Variants in PIP4K2A observed in about 807,000 individuals in gnomAD.
PIP4K2A encodes the protein phosphatidylinositol 5-phosphate 4-kinase type-2 alpha.
PIP4K2A carries 14 observed loss-of-function variants against 42.9 expected under a neutral mutation model. The ratio of observed to expected loss-of-function variants is 0.33; its 90% CI spans 0.22 to 0.51. The LOEUF (loss-of-function observed/expected upper bound fraction) is 0.51. Ranked by LOEUF, PIP4K2A falls within the 20% of genes least tolerant of loss-of-function variation. The pLI is 0.97. For missense variants in PIP4K2A, 434 were observed against 519.8 expected (o/e 0.83, Z 1.61); for synonymous variants, 192 against 192.2 (o/e 1.00, Z 0.01).
At position 22,714,445 on chromosome 10, in the gene PIP4K2A, C is replaced by G; in HGVS notation, c.-119G>C. On this transcript the variant is annotated 5_prime_UTR_variant, in exon 1 of 10. Transcript: ENST00000376573. ...GGCGGCGGCCCCGGCGCGCCGCGCTCCGCTCCGCCCGCCGCCGCCGGCGCG... is the reference window on the plus strand; with the variant it reads ...GGCGGCGGCCCCGGCGCGCCGCGCTGCGCTCCGCCCGCCGCCGCCGGCGCG... 4 of 532,740 alleles carry G rather than the reference C, an allele frequency of 7.5e-6. No homozygotes were observed. Among genetic ancestry groups the G allele is most frequent in the Non-Finnish European group, 4.8e-6 (2 of 414,768 alleles). 33.0% of individuals were successfully genotyped at this position (532,740 alleles called of 1,614,324 possible).
At position 22,660,593 on chromosome 10, in the gene PIP4K2A, T is replaced by C. The variant is rs1265829009; in HGVS notation, c.145-50876A>G. ...GTGCTTTATGACTCACAGGATCCCGTTAAACAAATACCAAGCACAGCCCTA... is the reference window on the plus strand; with the variant it reads ...GTGCTTTATGACTCACAGGATCCCGCTAAACAAATACCAAGCACAGCCCTA... On this transcript the variant is annotated intron_variant, in intron 1 of 9. Transcript: ENST00000376573. Among the ~76,000 whole-genome samples the C allele has an allele frequency of 2.6e-5, 4 of 152,260 alleles. No homozygotes were observed. The East Asian group carries it at 7.7e-4, about 29-fold the overall frequency.
At chr10:22,689,359 C>T (rs1839818066) in intron 1 of PIP4K2A, among the ~76,000 whole-genome samples, 1 of 152,200 alleles carries the variant, frequency 6.6e-6, no homozygotes, top group South Asian at 2.1e-4. Context: ...GAAGCCCACA[C>T]AACAGGTCCT....
chr10:22,614,169 C>A (rs1333138292), intron 1 of PIP4K2A, among the ~76,000 whole-genome samples: 2 of 152,276 alleles, frequency 1.3e-5, no homozygotes, highest in Middle Eastern at 3.4e-3. Context: ...TTTAGCTATT[C>A]CCCATCTTCC....
chr10:22,689,092 G>C (rs964963443), intron 1 of PIP4K2A, among the ~76,000 whole-genome samples: 21 of 152,132 alleles, frequency 1.4e-4, no homozygotes, highest in Non-Finnish European at 3.1e-4. Context: ...GGGTGGGTCT[G>C]GTGGAACTCT....
chr10:22,606,003 T>C (rs955792601), intron 3 of PIP4K2A, among the ~76,000 whole-genome samples: 5 of 152,120 alleles, frequency 3.3e-5, no homozygotes, highest in African/African-American at 1.2e-4. Flanking sequence ...AGCAGTAAAT[T>C]TCAAGTCCAT....
intron 1 of PIP4K2A, among the ~76,000 whole-genome samples, chr10:22,644,142 C>A (rs2130798069): frequency 1.3e-5 from 2 of 152,342 alleles, no homozygotes; most frequent in South Asian, 4.1e-4. Flanking sequence ...TCACCCCTCC[C>A]TCTCTCAGCC....
chr10:22,682,016 C>T (rs1311121682), intron 1 of PIP4K2A, among the ~76,000 whole-genome samples: 5 of 151,560 alleles, frequency 3.3e-5, no homozygotes, highest in Admixed American at 6.6e-5. Flanking sequence ...TTTGTACATA[C>T]GTAAAAACTA....
In PIP4K2A at chr10:22,647,308, CTGTGTGTGTGTGTGTATGTG is replaced by C. The variant is rs534210863; in HGVS notation, c.145-37611_145-37592del. Among the ~76,000 whole-genome samples, 1,094 of 140,316 alleles carry C rather than the reference CTGTGTGTGTGTGTGTATGTG, an allele frequency of 7.8e-3. 6 individuals are homozygous for C. Among genetic ancestry groups the C allele is most frequent in the Non-Finnish European group, 0.013 (789 of 61,356 alleles). The allele number at this position is 140,316 out of a possible 152,430, so 92.1% of individuals were successfully genotyped here. On this transcript the variant is annotated intron_variant, in intron 1 of 9. Transcript: ENST00000376573. The stretch of plus-strand genomic sequence containing the variant: ...CAATTCAGTATCTAGTCTCTAAATA[CTGTGTGTGTGTGTGTATGTG>C]TGTGTGTGTGTGCACGCGCGTGTGC...
At chr10:22,623,941 A>G (rs542714138) in intron 1 of PIP4K2A, among the ~76,000 whole-genome samples, 20 of 152,362 alleles carry the variant, frequency 1.3e-4, no homozygotes, top group South Asian at 4.1e-4. Context: ...CACAACAATT[A>G]AAATGACTGG....
At chr10:22,664,187 A>G (rs1839297434) in intron 1 of PIP4K2A, among the ~76,000 whole-genome samples, 1 of 78,848 alleles carries the variant, frequency 1.3e-5, no homozygotes, top group South Asian at 3.0e-4. Context: ...ATATACATAT[A>G]TATACATATA....
At chr10:22,675,704 A>G (rs1354537490) in intron 1 of PIP4K2A, among the ~76,000 whole-genome samples, 1 of 152,236 alleles carries the variant, frequency 6.6e-6, no homozygotes, top group African/African-American at 2.4e-5. Flanking sequence ...TGGTTCCCTT[A>G]AATGATCAAT....
chr10:22,664,048 CATATGTATATAT>C (rs1189753255), intron 1 of PIP4K2A, among the ~76,000 whole-genome samples: 1 of 76,832 alleles, frequency 1.3e-5, no homozygotes, highest in African/African-American at 1.1e-4. Context: ...TATATATATA[CATATGTATATAT>C]ACATATATAT....
chr10:22,554,243 A>T (rs1193794387), intron 6 of PIP4K2A, among the ~76,000 whole-genome samples: 2 of 152,238 alleles, frequency 1.3e-5, no homozygotes, highest in Non-Finnish European at 2.9e-5. Context: ...AAATTTCAAT[A>T]TATCTCTCTG....
intron 1 of PIP4K2A, among the ~76,000 whole-genome samples, chr10:22,662,355 A>G (rs1839218116): frequency 6.6e-6 from 1 of 152,358 alleles, no homozygotes; most frequent in African/African-American, 2.4e-5. Context: ...CTTTTGTAAG[A>G]TCACAAGAGT....
At position 22,536,973 on chromosome 10, in the gene PIP4K2A, CA is replaced by C; in HGVS notation, c.*227del. The C allele has an allele frequency of 2.5e-6, 1 of 406,120 alleles. No individual in the cohort carries two copies. The highest frequency in any genetic ancestry group is 4.4e-6 in the Non-Finnish European group (1 of 225,254). 25.2% of individuals were successfully genotyped at this position (406,120 alleles called of 1,614,324 possible). ...CACACACTCACCCCCCCCCAACACACACACACACACATATACACAAAGTCAG... is the reference window on the plus strand; with the variant it reads ...CACACACTCACCCCCCCCCAACACACCACACACACATATACACAAAGTCAG... On this transcript the variant is annotated 3_prime_UTR_variant, in exon 10 of 10. Coordinates refer to ENST00000376573, the MANE Select transcript of PIP4K2A (RefSeq NM_005028.5).
chr10:22,654,616 A>C (rs1839060105), intron 1 of PIP4K2A, among the ~76,000 whole-genome samples: 1 of 152,152 alleles, frequency 6.6e-6, no homozygotes. Context: ...TTTTAAAGTG[A>C]TTCAGGGGTA....
At chr10:22,709,069 G>T (rs1241077788) in intron 1 of PIP4K2A, among the ~76,000 whole-genome samples, 1 of 151,520 alleles carries the variant, frequency 6.6e-6, no homozygotes, top group African/African-American at 2.4e-5. Context: ...TTACATGCAT[G>T]AGCCACCTAC....
At chr10:22,628,269 C>A (rs2130764881) in intron 1 of PIP4K2A, among the ~76,000 whole-genome samples, 1 of 152,274 alleles carries the variant, frequency 6.6e-6, no homozygotes, top group South Asian at 2.1e-4. Flanking sequence ...ACCAGCCAAG[C>A]AATTTTTGAA....
At chr10:22,632,048 C>G (rs1352662638) in intron 1 of PIP4K2A, among the ~76,000 whole-genome samples, 1 of 152,058 alleles carries the variant, frequency 6.6e-6, no homozygotes, top group African/African-American at 2.4e-5. Flanking sequence ...CATTAGGAAG[C>G]AAGCTCTCGG....
Sources: allele counts gnomAD v4.1 joint callset (sites outside exome capture counted in the v4.1 genomes callset), GRCh38; gene constraint gnomAD v4.1.1; transcripts MANE v1.5; gene names NCBI Gene and HGNC (gene_info 2026-07-23, HGNC 2026-07-21).